The following GLB1 variants were observed in gnomAD, a reference collection of about 807,000 sequenced individuals.
The protein encoded by GLB1 is galactosidase beta 1, also known as beta-galactosidase.
In GLB1, 56 loss-of-function variants were observed where a neutral mutation model predicts 74.0. The observed-to-expected ratio is 0.76, with a 90% CI of 0.61 to 0.94. The LOEUF is 0.94. Ranked by LOEUF, GLB1 falls within the 40% of genes least tolerant of loss-of-function variation. GLB1 has a pLI of 0.00. For synonymous variants in GLB1, 323 were observed against 323.6 expected (o/e 1.00, Z 0.02); for missense variants, 787 against 845.5 (o/e 0.93, Z 0.86).
chr3:33,016,866 A>G (rs1285302920), intron 13 of GLB1, 26 bp from the exon 14 acceptor site: 1 of 1,612,710 alleles, frequency 6.2e-7, no homozygotes, highest in South Asian at 1.1e-5. Context: ...CCAAATGACA[A>G]TTGAATTGAG....
the GLB1 span, among the ~76,000 whole-genome samples, chr3:32,977,004 GT>G: frequency 6.6e-6 from 1 of 152,104 alleles, no homozygotes; most frequent in African/African-American, 2.4e-5. Flanking sequence ...ATGTGGATAA[GT>G]TTTTTGTGAA....
chr3:33,056,256 A>AAAAAAAG (rs1699216137), intron 6 of GLB1, among the ~76,000 whole-genome samples: 1 of 127,004 alleles, frequency 7.9e-6, no homozygotes, highest in African/African-American at 2.8e-5. Flanking sequence ...AAAAAAAAAA[A>AAAAAAAG]GCAACACCAG....
At chr3:33,057,492 C>T (rs4234266) in intron 6 of GLB1, among the ~76,000 whole-genome samples, 148,490 of 152,340 alleles carry the variant, frequency 0.97, 72,482 homozygotes, top group East Asian at 1. Flanking sequence ...CATCTGTAAC[C>T]TTCACTTGCA....
chr3:33,094,225 A>G (rs1398586308), intron 1 of GLB1: 1 of 1,559,492 alleles, frequency 6.4e-7, no homozygotes. Flanking sequence ...CTCCCCCACC[A>G]GTTCTGTGCT....
chr3:33,049,682 C>T (rs1330304285), intron 9 of GLB1, among the ~76,000 whole-genome samples: 1 of 152,148 alleles, frequency 6.6e-6, no homozygotes. Flanking sequence ...TCCCAAAGTG[C>T]CGGGATTACA....
downstream of GLB1, among the ~76,000 whole-genome samples, chr3:32,993,122 A>C (rs998230653): frequency 2.0e-5 from 3 of 152,352 alleles, no homozygotes; most frequent in South Asian, 2.1e-4. Flanking sequence ...AATAAAGACC[A>C]CATGAGATCA....
At chr3:33,046,008 C>T in intron 10 of GLB1, 112 bp downstream of exon 10, 2 of 1,354,422 alleles carry the variant, frequency 1.5e-6, no homozygotes, top group South Asian at 2.5e-5. Flanking sequence ...CTCCCTTCAT[C>T]CATCCTTTTA....
chr3:33,022,854 C>T (rs1697556759), intron 11 of GLB1, among the ~76,000 whole-genome samples: 1 of 151,926 alleles, frequency 6.6e-6, no homozygotes, highest in Non-Finnish European at 1.5e-5. Flanking sequence ...GCCACCATGC[C>T]CAGCCCAGTT....
At chr3:33,042,469 G>T (rs34558646) in intron 10 of GLB1, among the ~76,000 whole-genome samples, 13,780 of 147,006 alleles carry the variant, frequency 0.094, 782 homozygotes, top group Non-Finnish European at 0.13. Context: ...CCGGGTTCAC[G>T]CCATTCTTCT....
chr3:33,016,868 T>C lies in GLB1; in HGVS notation c.1348-28A>G, dbSNP rs778815380. On this transcript the variant is annotated intron_variant, in intron 13 of 15. Transcript: ENST00000307363. The stretch of plus-strand genomic sequence containing the variant: ...GTGGGGTTCAAGACCAAATGACAAT[T>C]GAATTGAGGGTAAGAAGGTCAGCAA... 1.8e-5 allele frequency: 29 copies of C among 1,612,446 alleles called. 1 individual carries two copies. The South Asian group carries it at 2.4e-4, about 13-fold the overall frequency.
intron 10 of GLB1, among the ~76,000 whole-genome samples, chr3:33,039,390 G>A (rs4456812): frequency 0.86 from 130,170 of 151,910 alleles, 56,526 homozygotes; most frequent in Admixed American, 0.93. Flanking sequence ...TATGCCAATA[G>A]ACATACAACA....
At chr3:33,056,234 A>T (rs1342642243) in intron 6 of GLB1, among the ~76,000 whole-genome samples, 1 of 127,262 alleles carries the variant, frequency 7.9e-6, no homozygotes, top group African/African-American at 3.2e-5. Context: ...CCTCAAAAAA[A>T]AAAAAAAAAA....
In GLB1 at chr3:33,093,637, G is replaced by C; in HGVS notation, c.75+3374C>G. On this transcript the variant is annotated intron_variant, in intron 1 of 15. Transcript: ENST00000307363. The surrounding 1 kb of genome is among the most constrained non-coding windows in gnomAD (Gnocchi z 6.0). ...ACCTCCACAGTTTTCACAGCCGGGG[G>C]CTGCGCGGCATTCAGAATCCCGGCC... 3 of 1,614,158 alleles carry C rather than the reference G, an allele frequency of 1.9e-6. No homozygotes were observed. The highest frequency in any genetic ancestry group is 2.5e-6 in the Non-Finnish European group (3 of 1,180,032).
intron 10 of GLB1, chr3:33,030,858 T>G: frequency 3.1e-6 from 3 of 981,668 alleles, no homozygotes; most frequent in Non-Finnish European, 3.6e-6. Flanking sequence ...TTAAGTTGAT[T>G]TGACAGCATA....
In GLB1 at chr3:32,997,174, A is replaced by G. The variant is rs765620411; in HGVS notation, c.1905T>C (p.Ala635=). 5 of 1,614,092 alleles carry G rather than the reference A, an allele frequency of 3.1e-6. No homozygotes were observed. Among genetic ancestry groups the G allele is most frequent in the Non-Finnish European group, 4.2e-6 (5 of 1,180,054 alleles). The change falls in exon 16 of 16, where the codon GCT becomes GCC. Residue 635 remains alanine (A), a synonymous_variant. Coordinates refer to ENST00000307363, the MANE Select transcript of GLB1 (RefSeq NM_000404.4). Reference sequence around the variant, plus strand: ...TAACTGGCCTGTCCACGAACGTCACAGCACATAGTTCTGGATCATCACTGC... The same window carrying G: ...TAACTGGCCTGTCCACGAACGTCACGGCACATAGTTCTGGATCATCACTGC... ...PCSSDDPELC[A]VTFVDRPVIG... is the part of the protein sequence containing the mutation.
At chr3:33,060,029 G>C (rs1159158863) in intron 5 of GLB1, among the ~76,000 whole-genome samples, 1 of 152,174 alleles carries the variant, frequency 6.6e-6, no homozygotes, top group Non-Finnish European at 1.5e-5. Flanking sequence ...GAAGGGAATG[G>C]GTAGAGGATA....
chr3:32,993,522 A>AT (rs746774682), downstream of GLB1, among the ~76,000 whole-genome samples: 17,594 of 62,252 alleles, frequency 0.28, 5,454 homozygotes, highest in Non-Finnish European at 0.35. Flanking sequence ...CATCCAGCTA[A>AT]TTTTTTTTTT....
chr3:33,058,624 A>G (rs560368304), intron 5 of GLB1, among the ~76,000 whole-genome samples: 9 of 152,336 alleles, frequency 5.9e-5, no homozygotes, highest in African/African-American at 2.2e-4. Flanking sequence ...AAATGAAAAG[A>G]AAACAGGAAA....
At chr3:33,038,064 G>A (rs920951410) in intron 10 of GLB1, 1 of 147,178 alleles carries the variant, frequency 6.8e-6, no homozygotes. Flanking sequence ...ATTGGTGAGA[G>A]AGGTAACAAA....
Sources: allele counts gnomAD v4.1 joint callset (sites outside exome capture counted in the v4.1 genomes callset), GRCh38; gene constraint gnomAD v4.1.1; non-coding constraint Gnocchi (gnomAD v3.1); transcripts MANE v1.5; gene names NCBI Gene and HGNC (gene_info 2026-07-23, HGNC 2026-07-21).